The following ASAP3 variants were observed in gnomAD, a reference collection of about 807,000 sequenced individuals.
ASAP3 encodes arf-GAP with SH3 domain, ANK repeat and PH domain-containing protein 3.
ASAP3 carries 85 observed loss-of-function variants against 118.2 expected under a neutral mutation model. That is an observed-to-expected ratio of 0.72 (90% CI 0.60 to 0.86). The LOEUF is 0.86. ASAP3 is among the 40% of genes least tolerant of loss of function. The pLI, the probability that ASAP3 is intolerant of heterozygous loss-of-function variation, is 0.00. For synonymous variants in ASAP3, 432 were observed against 477.4 expected, an observed-to-expected ratio of 0.90 and a Z score of 1.24; for missense variants, 1,026 against 1,175.0, an observed-to-expected ratio of 0.87 and a Z score of 1.85.
chr1:23,451,577 G>A (rs750471710), intron 4 of ASAP3, 49 bp from the exon 5 acceptor site: 1 of 1,583,692 alleles, frequency 6.3e-7, no homozygotes, highest in Non-Finnish European at 8.7e-7. Flanking sequence ...TGGAGCACTG[G>A]AATAAACAGT....
intron 1 of ASAP3, among the ~76,000 whole-genome samples, chr1:23,458,108 C>T (rs922037687): frequency 3.3e-5 from 5 of 152,102 alleles, no homozygotes; most frequent in African/African-American, 4.8e-5. Flanking sequence ...ATTTGAGATC[C>T]GTGGAGGCCC....
At chr1:23,484,181 A>G (rs1199534780), upstream of ASAP3, 12 of 1,228,146 alleles carry the variant, frequency 9.8e-6, no homozygotes, top group Middle Eastern at 9.4e-4. Context: ...GGGGGCACTG[A>G]GCTGCTCCGC....
chr1:23,430,073 G>C, intron 24 of ASAP3, 143 bp from the exon 25 acceptor site: 1 of 725,434 alleles, frequency 1.4e-6, no homozygotes, highest in Non-Finnish European at 2.2e-6. Flanking sequence ...GCTTGAGGAA[G>C]TGAAGCCACT....
chr1:23,483,377 A>G (rs1489235254), intron 1 of ASAP3, among the ~76,000 whole-genome samples: 1 of 152,120 alleles, frequency 6.6e-6, no homozygotes, highest in African/African-American at 2.4e-5. Flanking sequence ...GAGCATGGGA[A>G]TGGGGTGGGG....
chr1:23,481,154 G>A (rs549632047), intron 1 of ASAP3, among the ~76,000 whole-genome samples: 12 of 152,168 alleles, frequency 7.9e-5, no homozygotes, highest in Non-Finnish European at 1.8e-4. Context: ...TCTTATCTGA[G>A]AGAGTTTCTA....
intron 1 of ASAP3, among the ~76,000 whole-genome samples, chr1:23,463,006 T>C (rs1401323504): frequency 6.6e-6 from 1 of 151,800 alleles, no homozygotes; most frequent in African/African-American, 2.4e-5. Context: ...CACTATGAGG[T>C]AGAGGGGAGG....
chr1:23,457,800 A>G (rs76230830), intron 1 of ASAP3, among the ~76,000 whole-genome samples: 8,047 of 152,270 alleles, frequency 0.053, 298 homozygotes, highest in South Asian at 0.11. Context: ...GGCATGAGCC[A>G]CCGTGCCCGG....
chr1:23,451,046 C>A (rs1319866376), intron 5 of ASAP3, among the ~76,000 whole-genome samples: 1 of 152,234 alleles, frequency 6.6e-6, no homozygotes, highest in Non-Finnish European at 1.5e-5. Flanking sequence ...GGGGCATAAA[C>A]CCCAGTTCTG....
At chr1:23,455,446 C>CGAAGCAGATGTGGATTGGG (rs1553175739) in intron 3 of ASAP3, among the ~76,000 whole-genome samples, 1 of 152,078 alleles carries the variant, frequency 6.6e-6, no homozygotes, top group African/African-American at 2.4e-5. Context: ...GATTTAAGTA[C>CGAAGCAGATGTGGATTGGG]GAAGCAGATG....
chr1:23,484,345 C>T (rs975232598), upstream of ASAP3: 3 of 417,308 alleles, frequency 7.2e-6, no homozygotes, highest in African/African-American at 2.1e-5. Flanking sequence ...CCGCCAAGGT[C>T]CAGGCTCCGG....
chr1:23,437,423 C>A lies in ASAP3; in HGVS notation c.1151+1G>T. 4 of 1,613,934 alleles carry A rather than the reference C, an allele frequency of 2.5e-6. No individual in the cohort carries two copies. Among genetic ancestry groups the A allele is most frequent in the Non-Finnish European group, 3.4e-6 (4 of 1,179,906 alleles). On this transcript the variant is annotated splice_donor_variant, in intron 13 of 24. Coordinates refer to ENST00000336689, the MANE Select transcript of ASAP3 (RefSeq NM_017707.4). LOFTEE classifies it high-confidence loss of function. This position sits in a 1 kb window ranked among gnomAD's most constrained non-coding sequence, Gnocchi z 6.1. ...GCCGGGCTGGCCGAGGGGGCACTCA[C>A]GCCTCACACTCGTGCTCGTCCTCTG...
At chr1:23,479,250 C>G (rs752786669) in intron 1 of ASAP3, among the ~76,000 whole-genome samples, 2 of 151,158 alleles carry the variant, frequency 1.3e-5, no homozygotes, top group Non-Finnish European at 3.0e-5. Context: ...GATGAATGAG[C>G]GAAAGCACTG....
intron 1 of ASAP3, among the ~76,000 whole-genome samples, chr1:23,474,188 G>A (rs1325862144): frequency 9.9e-5 from 15 of 151,414 alleles, no homozygotes; most frequent in Non-Finnish European, 1.9e-4. Context: ...GGCTGGTCTC[G>A]AACTCCTGAC....
chr1:23,431,868 T>C lies in ASAP3; in HGVS notation c.2374A>G (p.Ser792Gly). The C allele has an allele frequency of 6.2e-7, 1 of 1,603,726 alleles. No individual in the cohort carries two copies. Among genetic ancestry groups the C allele is most frequent in the Non-Finnish European group, 8.5e-7 (1 of 1,176,856 alleles). Reference sequence around the variant, plus strand: ...GAGGAGGAGGCTGGACTGCCCAGGCTCTCAGGGGTCTCAGGGGCCTCTGAA... The same window carrying C: ...GAGGAGGAGGCTGGACTGCCCAGGCCCTCAGGGGTCTCAGGGGCCTCTGAA... Reference protein sequence around the residue: ...LSSEAPETPESLGSPASSSSL... With the variant: ...LSSEAPETPEGLGSPASSSSL... Residue 792 changes from serine (S) to glycine (G), a missense_variant, in exon 23 of 25, where the codon AGC becomes GGC. By Grantham distance (56) the Ser-to-Gly change is moderately conservative. Transcript: ENST00000336689.
chr1:23,475,111 T>C (rs1482165736), intron 1 of ASAP3, among the ~76,000 whole-genome samples: 3 of 152,228 alleles, frequency 2.0e-5, no homozygotes, highest in Non-Finnish European at 4.4e-5. Context: ...TCACCTCCTG[T>C]GAAAGCTGAA....
rs755800424 is a variant in ASAP3 at position 23,455,984 on chromosome 1, G to C, written c.245C>G (p.Ser82Cys). 1.2e-6 allele frequency: 2 copies of C among 1,614,172 alleles called. No homozygotes were observed. The highest frequency in any genetic ancestry group is 2.2e-5 in the East Asian group (1 of 44,860). Residue 82 changes from serine (S) to cysteine (C), a missense_variant, in exon 3 of 25, where the codon TCC becomes TGC. Physicochemically the swap from Ser to Cys is moderately radical, Grantham distance 112. Transcript: ENST00000336689. ...CTGGGACAGGTGGCTGTTGCCTAAG[G>C]ATTCCACGGCCTCTCGGTACTGCTC... ...NEEQYREAVE[S>C]LGNSHLSQNS...
intron 19 of ASAP3, 33 bp downstream of exon 19, chr1:23,434,221 A>G: frequency 3.7e-6 from 6 of 1,602,566 alleles, no homozygotes; most frequent in African/African-American, 1.3e-5. Flanking sequence ...AGTCAGGAAT[A>G]GGAGTCTGAC....
At position 23,459,160 on chromosome 1, in the gene ASAP3, G is replaced by A. The variant is rs1641486199; in HGVS notation, c.130-2966C>T. ...ACTCCAGCCTGCACAATGGGAGCGA[G>A]ACTCCATCTCAAAAAAAAAAAAAAA... On this transcript the variant is annotated intron_variant, in intron 1 of 24. Coordinates refer to ENST00000336689, the MANE Select transcript of ASAP3 (RefSeq NM_017707.4). Among the ~76,000 whole-genome samples, 4 of 98,012 alleles carry A rather than the reference G, an allele frequency of 4.1e-5. No homozygotes were observed. In the South Asian group the frequency reaches 1.5e-3, roughly 37 times the overall value. 64.3% of individuals were successfully genotyped at this position (98,012 alleles called of 152,430 possible).
intron 10 of ASAP3, among the ~76,000 whole-genome samples, chr1:23,439,883 C>T (rs1223889667): frequency 1.3e-5 from 2 of 152,102 alleles, no homozygotes; most frequent in Non-Finnish European, 2.9e-5. Flanking sequence ...GGCACGATCT[C>T]GGCTCATTGC....
Sources: gnomAD v4.1 joint callset for allele counts (sites outside exome capture counted in the v4.1 genomes callset) on GRCh38, gnomAD v4.1.1 for gene constraint, Gnocchi (gnomAD v3.1) non-coding constraint, MANE v1.5 for transcripts, NCBI Gene and HGNC (gene_info 2026-07-23, HGNC 2026-07-21) for gene names.